TENM2: variants seen among roughly 807,000 people sequenced by gnomAD.
TENM2 encodes the protein teneurin transmembrane protein 2, also known as teneurin-2.
Under a neutral mutation model 245.2 loss-of-function variants are expected in TENM2, and 52 were observed. The observed-to-expected ratio is 0.21, with a 90% CI of 0.17 to 0.27. The LOEUF is 0.27. Ranked by LOEUF, TENM2 falls within the 10% of genes least tolerant of loss-of-function variation. TENM2 has a pLI of 1.00. For missense variants in TENM2, 3,046 were observed against 3,666.8 expected, an observed-to-expected ratio of 0.83 and a Z score of 4.37; for synonymous variants, 1,363 against 1,438.9, an observed-to-expected ratio of 0.95 and a Z score of 1.19.
At chr5:167,790,650 A>G (rs1031814674) in intron 2 of TENM2, among the ~76,000 whole-genome samples, 2 of 152,164 alleles carry the variant, frequency 1.3e-5, no homozygotes, top group Admixed American at 1.3e-4. Context: ...ATCTTGCACC[A>G]TTTCTGTGGG....
intron 2 of TENM2, among the ~76,000 whole-genome samples, chr5:167,376,294 A>G (rs1760745475): frequency 6.6e-6 from 1 of 152,236 alleles, no homozygotes; most frequent in African/African-American, 2.4e-5. Context: ...CTGATTTAAG[A>G]CGAAAACATC....
chr5:167,428,192 GAT>G (rs1217165316), intron 2 of TENM2, among the ~76,000 whole-genome samples: 2 of 152,216 alleles, frequency 1.3e-5, no homozygotes, highest in East Asian at 1.9e-4. Flanking sequence ...CTCCTCAATA[GAT>G]ATATGAGTTT....
chr5:167,618,971 G>T (rs1347896355), intron 2 of TENM2, among the ~76,000 whole-genome samples: 1 of 152,046 alleles, frequency 6.6e-6, no homozygotes, highest in African/African-American at 2.4e-5. Flanking sequence ...CCCCCTTTTA[G>T]AAAGACAATT....
intron 2 of TENM2, among the ~76,000 whole-genome samples, chr5:167,783,882 C>T (rs994917212): frequency 6.6e-6 from 1 of 151,934 alleles, no homozygotes; most frequent in South Asian, 2.1e-4. Context: ...GGGGACTTGA[C>T]CAGGGCCTTG....
At chr5:168,203,775 C>G in exon 18 of TENM2, 3 of 1,613,496 alleles carry the variant, frequency 1.9e-6, no homozygotes, top group Middle Eastern at 1.7e-4. Flanking sequence ...CGAGCTGGAC[C>G]CCTCCAACCT....
intron 13 of TENM2, among the ~76,000 whole-genome samples, chr5:168,163,804 A>G (rs1355434979): frequency 6.6e-6 from 1 of 152,234 alleles, no homozygotes. Context: ...TCATCTGAAG[A>G]CACAAATGAT....
the TENM2 span, among the ~76,000 whole-genome samples, chr5:167,208,500 C>T: frequency 2.0e-5 from 3 of 152,148 alleles, no homozygotes; most frequent in Non-Finnish European, 4.4e-5. Context: ...ACAAAACGAA[C>T]ACTAGAACCA....
chr5:167,113,224 T>A, the TENM2 span, among the ~76,000 whole-genome samples: 2 of 152,088 alleles, frequency 1.3e-5, no homozygotes, highest in Non-Finnish European at 2.9e-5. Context: ...ATCTAGTTAT[T>A]TGGGAGAAAA....
the TENM2 span, among the ~76,000 whole-genome samples, chr5:167,092,622 C>T: frequency 6.6e-6 from 1 of 152,142 alleles, no homozygotes; most frequent in Non-Finnish European, 1.5e-5. Flanking sequence ...TTATTATCCC[C>T]ATTTAATAGA....
intron 2 of TENM2, among the ~76,000 whole-genome samples, chr5:167,702,366 C>T (rs1758195700): frequency 2.0e-5 from 3 of 152,062 alleles, no homozygotes; most frequent in East Asian, 1.9e-4. Flanking sequence ...TTCTGCCTTT[C>T]ACGTGTGTCT....
chr5:167,519,334 G>A (rs930707024), intron 2 of TENM2, among the ~76,000 whole-genome samples: 3 of 152,038 alleles, frequency 2.0e-5, no homozygotes, highest in East Asian at 1.9e-4. Flanking sequence ...AATGTGTGTC[G>A]ACCGGTTGAT....
chr5:167,205,523 C>G, the TENM2 span, among the ~76,000 whole-genome samples: 1 of 152,166 alleles, frequency 6.6e-6, no homozygotes. Context: ...TGTATATATA[C>G]TCTTCATTTG....
the TENM2 span, among the ~76,000 whole-genome samples, chr5:167,076,256 C>T: frequency 1.3e-5 from 2 of 152,130 alleles, no homozygotes; most frequent in Non-Finnish European, 2.9e-5. Context: ...TACTTTCAAC[C>T]AGACTAGGAT....
chr5:167,017,365 C>T, the TENM2 span, among the ~76,000 whole-genome samples: 1 of 152,126 alleles, frequency 6.6e-6, no homozygotes, highest in East Asian at 1.9e-4. Flanking sequence ...TAATTTTGGC[C>T]TCAGTTTCCC....
At chr5:167,235,922 T>A in the TENM2 span, among the ~76,000 whole-genome samples, 1 of 152,152 alleles carries the variant, frequency 6.6e-6, no homozygotes, top group Non-Finnish European at 1.5e-5. Context: ...AGAGATCAGA[T>A]CTCTTAGGGA....
chr5:167,216,941 A>C, the TENM2 span, among the ~76,000 whole-genome samples: 1 of 152,024 alleles, frequency 6.6e-6, no homozygotes, highest in African/African-American at 2.4e-5. Context: ...AAAAAAAGAC[A>C]CCAGTGAAGC....
At chr5:167,228,747 C>T in the TENM2 span, among the ~76,000 whole-genome samples, 1 of 151,908 alleles carries the variant, frequency 6.6e-6, no homozygotes, top group South Asian at 2.1e-4. Flanking sequence ...CTCTGTCGCC[C>T]AGGCTGGAGT....
At chr5:168,081,292 T>A (rs1791972920) in intron 7 of TENM2, among the ~76,000 whole-genome samples, 3 of 152,214 alleles carry the variant, frequency 2.0e-5, no homozygotes, top group Admixed American at 2.0e-4. Flanking sequence ...TTGGTAGATC[T>A]TCCTCCCTCC....
At chr5:167,566,995 T>C (rs1773948921) in intron 2 of TENM2, among the ~76,000 whole-genome samples, 1 of 152,122 alleles carries the variant, frequency 6.6e-6, no homozygotes, top group Non-Finnish European at 1.5e-5. Context: ...ATGTGAGCAG[T>C]TTTATAAGCA....
Sources: allele counts gnomAD v4.1 joint callset (sites outside exome capture counted in the v4.1 genomes callset), GRCh38; gene constraint gnomAD v4.1.1; transcripts MANE v1.5; gene names NCBI Gene and HGNC (gene_info 2026-07-23, HGNC 2026-07-21).